Variants in TENM3 observed in about 807,000 individuals in gnomAD.
The protein encoded by TENM3 is teneurin transmembrane protein 3, also known as teneurin-3.
Under a neutral mutation model 255.1 loss-of-function variants are expected in TENM3, and 63 were observed. The ratio of observed to expected loss-of-function variants is 0.25; its 90% CI spans 0.20 to 0.30. TENM3 has a LOEUF of 0.30. TENM3 is among the 10% of genes least tolerant of loss of function. The pLI, the probability that TENM3 is intolerant of heterozygous loss-of-function variation, is 1.00. For missense variants in TENM3, 2,929 were observed against 3,461.1 expected, an observed-to-expected ratio of 0.85 and a Z score of 3.86; for synonymous variants, 1,306 against 1,322.3, an observed-to-expected ratio of 0.99 and a Z score of 0.27.
At chr4:182,109,578 C>CCTTCCCA in the TENM3 span, among the ~76,000 whole-genome samples, 3 of 151,960 alleles carry the variant, frequency 2.0e-5, no homozygotes, top group African/African-American at 7.3e-5. Context: ...GTGAAGTGTA[C>CCTTCCCA]GATATTGCTT....
intron 3 of TENM3, among the ~76,000 whole-genome samples, chr4:182,365,154 G>A (rs1766340146): frequency 6.6e-6 from 1 of 152,170 alleles, no homozygotes; most frequent in African/African-American, 2.4e-5. Flanking sequence ...TTTGATTAGT[G>A]AGTTGAATAC....
rs1256958074 is a variant in TENM3, at chr4:182,437,031, A to G, written c.511+90102A>G. ...CAGCAAGAACGAAACTCCGCCTCCA[A>G]AAAAAAAAAAAAATGCACCAGTGCT... On this transcript the variant is annotated intron_variant, in intron 3 of 27. Coordinates refer to ENST00000511685, the MANE Select transcript of TENM3 (RefSeq NM_001080477.4). Among the ~76,000 whole-genome samples, 3 of 3,048 alleles carry G rather than the reference A, an allele frequency of 9.8e-4. No individual in the cohort carries two copies. In the Non-Finnish European group the frequency reaches 0.021, roughly 21 times the overall value. The allele number at this position is 3,048 out of a possible 152,430, so 2.0% of individuals were successfully genotyped here. A position where few individuals can be genotyped will look rare whatever the true frequency, so the allele number is the denominator to read the frequency against.
the TENM3 span, among the ~76,000 whole-genome samples, chr4:181,526,346 G>A: frequency 6.6e-6 from 1 of 151,470 alleles, no homozygotes; most frequent in African/African-American, 2.4e-5. Context: ...TACCAGCTTT[G>A]TATTTTGACC....
At chr4:182,210,402 T>G (rs1202945213) in intron 1 of TENM3, among the ~76,000 whole-genome samples, 2 of 152,218 alleles carry the variant, frequency 1.3e-5, no homozygotes, top group African/African-American at 4.8e-5. Context: ...CCTGGAAGCC[T>G]TTACTTATTA....
chr4:182,761,008 G>A (rs1763145274), intron 22 of TENM3, among the ~76,000 whole-genome samples: 3 of 151,738 alleles, frequency 2.0e-5, no homozygotes, highest in African/African-American at 4.8e-5. Flanking sequence ...AATTAGAAAA[G>A]TTATGCCCAT....
chr4:182,487,101 T>A (rs551742487), intron 3 of TENM3, among the ~76,000 whole-genome samples: 88 of 152,336 alleles, frequency 5.8e-4, no homozygotes, highest in African/African-American at 1.9e-3. Flanking sequence ...TTTAACCCGC[T>A]AATTCTTGCA....
At position 182,218,121 on chromosome 4, in the gene TENM3, C is replaced by A. The variant is rs181003547; in HGVS notation, c.-76+73367C>A. On this transcript the variant is annotated intron_variant, in intron 1 of 2. Transcript: ENST00000512480. Reference sequence around the variant, plus strand: ...TTTATGGATGACCAAGTTCCTTGCCCAAAATCACATAGGTTATGGGCAGCA... The same window carrying A: ...TTTATGGATGACCAAGTTCCTTGCCAAAAATCACATAGGTTATGGGCAGCA... Among the ~76,000 whole-genome samples the A allele has an allele frequency of 5.3e-5, 8 of 152,228 alleles. No individual in the cohort carries two copies. In the East Asian group the frequency reaches 1.5e-3, roughly 29 times the overall value.
intron 4 of TENM3, among the ~76,000 whole-genome samples, chr4:182,628,331 A>G (rs957411386): frequency 1.3e-5 from 2 of 152,190 alleles, no homozygotes; most frequent in African/African-American, 4.8e-5. Context: ...GGTTTTGTTC[A>G]GGAAACAGTA....
At chr4:181,994,189 T>G in the TENM3 span, among the ~76,000 whole-genome samples, 1 of 152,166 alleles carries the variant, frequency 6.6e-6, no homozygotes, top group Admixed American at 6.6e-5. Context: ...AAGTGCATTG[T>G]TTTACAATAA....
chr4:182,426,007 C>CAAAAAAAAAAAAAAAAAAAAAAAAAAAAA (rs55836889), intron 3 of TENM3, among the ~76,000 whole-genome samples: 43 of 90,728 alleles, frequency 4.7e-4, no homozygotes, highest in African/African-American at 8.4e-4. Context: ...GAGTCCATGT[C>CAAAAAAAAAAAAAAAAAAAAAAAAAAAAA]AAAAAAAAAA....
chr4:181,520,683 A>C, the TENM3 span, among the ~76,000 whole-genome samples: 1 of 152,200 alleles, frequency 6.6e-6, no homozygotes, highest in Admixed American at 6.5e-5. Context: ...TGAAAGAAAA[A>C]GAAAAGTCTT....
chr4:182,413,788 G>A (rs981684136), intron 3 of TENM3, among the ~76,000 whole-genome samples: 2 of 152,172 alleles, frequency 1.3e-5, no homozygotes, highest in African/African-American at 2.4e-5. Context: ...TAAAATTCAA[G>A]CTCCTAATGG....
intron 1 of TENM3, among the ~76,000 whole-genome samples, chr4:182,149,557 A>G (rs970151835): frequency 2.0e-5 from 3 of 152,022 alleles, no homozygotes; most frequent in Non-Finnish European, 2.9e-5. Flanking sequence ...AAACCATATC[A>G]TGTAATAATA....
the TENM3 span, among the ~76,000 whole-genome samples, chr4:182,002,005 G>T: frequency 2.0e-5 from 3 of 152,112 alleles, no homozygotes; most frequent in South Asian, 6.2e-4. Context: ...TTTTTGAAAA[G>T]GCTTTAAATG....
chr4:181,853,029 G>A, the TENM3 span, among the ~76,000 whole-genome samples: 1 of 152,172 alleles, frequency 6.6e-6, no homozygotes, highest in Non-Finnish European at 1.5e-5. Context: ...AGATCACAGG[G>A]CCATGCCAGT....
intron 12 of TENM3, among the ~76,000 whole-genome samples, chr4:182,712,846 A>G (rs1758857062): frequency 6.6e-6 from 1 of 152,212 alleles, no homozygotes; most frequent in Non-Finnish European, 1.5e-5. Flanking sequence ...ATTTTTATTA[A>G]TATGTTTTAT....
the TENM3 span, among the ~76,000 whole-genome samples, chr4:181,747,999 A>G: frequency 6.6e-6 from 1 of 152,154 alleles, no homozygotes; most frequent in South Asian, 2.1e-4. Context: ...CTCTACCAGC[A>G]TCTAGCTATG....
At chr4:181,916,462 A>T in the TENM3 span, among the ~76,000 whole-genome samples, 343 of 152,346 alleles carry the variant, frequency 2.3e-3, 2 homozygotes, top group Non-Finnish European at 3.4e-3. Context: ...ATGATTGAAG[A>T]TGACTTATTT....
chr4:181,709,148 A>G, the TENM3 span, among the ~76,000 whole-genome samples: 3 of 152,360 alleles, frequency 2.0e-5, no homozygotes, highest in Non-Finnish European at 4.4e-5. Flanking sequence ...AAGACACTAC[A>G]TATTAATCAA....
Sources: gnomAD v4.1 joint callset for allele counts (sites outside exome capture counted in the v4.1 genomes callset) on GRCh38, gnomAD v4.1.1 for gene constraint, MANE v1.5 for transcripts, NCBI Gene and HGNC (gene_info 2026-07-23, HGNC 2026-07-21) for gene names.